Variants in RARA observed in about 807,000 individuals in gnomAD.
RARA encodes retinoic acid receptor alpha.
RARA carries 5 observed loss-of-function variants against 42.8 expected under a neutral mutation model. That is an observed-to-expected ratio of 0.12 (90% CI 0.06 to 0.25). The LOEUF (loss-of-function observed/expected upper bound fraction) is 0.25, where lower values mean the gene tolerates loss of function less well. Among genes scored for constraint, RARA ranks in the 10% least tolerant of loss-of-function variants. The pLI is 1.00. For missense variants in RARA, 402 were observed against 628.7 expected (o/e 0.64, Z 3.86); for synonymous variants, 256 against 259.5 (o/e 0.99, Z 0.13).
intron 1 of RARA, chr17:40,322,926 G>GA (rs1044925756): frequency 2.6e-5 from 4 of 151,774 alleles, no homozygotes; most frequent in Non-Finnish European, 4.4e-5. Flanking sequence ...CCAACACTAA[G>GA]AAAAAAAATG....
At chr17:40,331,498 A>G (rs905859302) in intron 2 of RARA, 102 bp downstream of exon 2, 3 of 1,336,286 alleles carry the variant, frequency 2.2e-6, no homozygotes, top group Admixed American at 2.8e-5. Flanking sequence ...AGTGGAAGGC[A>G]CGGTGAGCGA....
chr17:40,329,330 G>T (rs993640849), intron 1 of RARA, among the ~76,000 whole-genome samples: 1 of 150,324 alleles, frequency 6.7e-6, no homozygotes, highest in Non-Finnish European at 1.5e-5. Flanking sequence ...TTTTGGAGAC[G>T]GAGTCTTGCT....
intron 1 of RARA, among the ~76,000 whole-genome samples, chr17:40,321,752 C>T (rs2143202862): frequency 6.6e-6 from 1 of 152,342 alleles, no homozygotes; most frequent in South Asian, 2.1e-4. Flanking sequence ...CCAACCCCAG[C>T]CCTATAACTG....
At chr17:40,319,001 G>T (rs186491731) in intron 1 of RARA, among the ~76,000 whole-genome samples, 32 of 152,286 alleles carry the variant, frequency 2.1e-4, no homozygotes, top group African/African-American at 7.7e-4. Context: ...CAGTATGTGT[G>T]TAGGGGTGTT....
In RARA at chr17:40,351,489, A is replaced by G. The variant is rs1205980407; in HGVS notation, c.470-421A>G. ...CTTGCCCCAGGAGCTGCTCAGAGCC[A>G]GTCCCAAGGGACCCCCAGGGAGACT... On this transcript the variant is annotated intron_variant, in intron 4 of 8. Coordinates refer to ENST00000254066, the MANE Select transcript of RARA (RefSeq NM_000964.4). This position sits in a 1 kb window ranked among gnomAD's most constrained non-coding sequence, Gnocchi z 4.1. 4.2e-6 allele frequency: 2 copies of G among 474,120 alleles called. No homozygotes were observed. The highest frequency in any genetic ancestry group is 2.3e-5 in the Admixed American group (1 of 42,644). 29.4% of individuals were successfully genotyped at this position (474,120 alleles called of 1,614,324 possible). A position where few individuals can be genotyped will look rare whatever the true frequency, so the allele number is the denominator to read the frequency against.
At chr17:40,342,119 GC>G in intron 2 of RARA, 5 of 963,260 alleles carry the variant, frequency 5.2e-6, no homozygotes, top group Non-Finnish European at 3.8e-6. Flanking sequence ...AGGGGGTGGT[GC>G]CCGGAGGGGA....
Position 40,345,940 on chromosome 17 carries a change from G to A in RARA, c.179-2376G>A, listed in dbSNP as rs775871743. 2.6e-5 allele frequency among the ~76,000 whole-genome samples: 4 copies of A among 152,196 alleles called. No homozygotes were observed. Among genetic ancestry groups the A allele is most frequent in the Non-Finnish European group, 5.9e-5 (4 of 68,034 alleles). The stretch of plus-strand genomic sequence containing the variant: ...GGGGCATCGAGCTCTGGGTTCAAAG[G>A]GCAGAGCAGGGAAACCTCAGAGCTG... On this transcript the variant is annotated intron_variant, in intron 2 of 8. Transcript: ENST00000254066. This position sits in a 1 kb window ranked among gnomAD's most constrained non-coding sequence, Gnocchi z 4.8.
intron 1 of RARA, among the ~76,000 whole-genome samples, chr17:40,315,161 TATATATATATAC>T (rs1269167966): frequency 8.0e-6 from 1 of 125,192 alleles, no homozygotes; most frequent in African/African-American, 3.7e-5. Flanking sequence ...TATATATATA[TATATATATATAC>T]ACACACACAC....
Position 40,354,059 on chromosome 17 carries a change from C to A in RARA, c.808-243C>A. The stretch of plus-strand genomic sequence containing the variant: ...AATTTAAATTAATTAAAATTAAACT[C>A]AATTCAGTTCCTCAGTTGCATTAGC... On this transcript the variant is annotated intron_variant, in intron 6 of 8. Transcript: ENST00000254066. This position sits in a 1 kb window ranked among gnomAD's most constrained non-coding sequence, Gnocchi z 4.5. Among the ~76,000 whole-genome samples the A allele has an allele frequency of 6.6e-6, 1 of 152,176 alleles. No homozygotes were observed. Among genetic ancestry groups the A allele is most frequent in the Non-Finnish European group, 1.5e-5 (1 of 68,022 alleles).
Position 40,342,960 on chromosome 17 carries a change from G to A in RARA, c.179-5356G>A, listed in dbSNP as rs1394246159. 13 of 1,511,180 alleles carry A rather than the reference G, an allele frequency of 8.6e-6. No individual in the cohort carries two copies. The East Asian group carries it at 3.0e-4, about 35-fold the overall frequency. 93.6% of individuals were successfully genotyped at this position (1,511,180 alleles called of 1,614,324 possible). ...TCGGGGGTGAGAGTCCCGGGGTGTA[G>A]TGGAGGTCCTGTCTCTACCTTTCAC... is the stretch of plus-strand genomic sequence containing the variant. On this transcript the variant is annotated intron_variant, in intron 2 of 8. Coordinates refer to ENST00000254066, the MANE Select transcript of RARA (RefSeq NM_000964.4).
intron 3 of RARA, 89 bp downstream of exon 3, chr17:40,348,553 G>A (rs947309923): frequency 2.6e-4 from 381 of 1,456,502 alleles, no homozygotes; most frequent in Middle Eastern, 2.6e-3. Context: ...CAGTTGGGGG[G>A]TGTCCCTGAA....
At chr17:40,342,872 G>C in intron 2 of RARA, 2 of 1,608,744 alleles carry the variant, frequency 1.2e-6, no homozygotes, top group Non-Finnish European at 1.7e-6. Context: ...ACCACTGTAC[G>C]TACCGGCCTC....
chr17:40,334,728 G>C (rs1454372973), intron 2 of RARA, among the ~76,000 whole-genome samples: 1 of 152,176 alleles, frequency 6.6e-6, no homozygotes, highest in Non-Finnish European at 1.5e-5. Flanking sequence ...TCTTGCTGAT[G>C]AGGCTTCCTA....
At position 40,331,169 on chromosome 17, in the gene RARA, A is replaced by G. The variant is rs1209886212; in HGVS notation, c.-50A>G. On this transcript the variant is annotated 5_prime_UTR_variant, in exon 2 of 9. Coordinates refer to ENST00000254066, the MANE Select transcript of RARA (RefSeq NM_000964.4). Reference sequence around the variant, plus strand: ...GAGGAGGGGTGGTCTGAAGCCCACCAGAGCCCCCTGCCAGACTGTCTGCCT... The same window carrying G: ...GAGGAGGGGTGGTCTGAAGCCCACCGGAGCCCCCTGCCAGACTGTCTGCCT... 14 of 1,536,352 alleles carry G rather than the reference A, an allele frequency of 9.1e-6. No homozygotes were observed. The highest frequency in any genetic ancestry group is 1.2e-5 in the Non-Finnish European group (14 of 1,140,650).
intron 1 of RARA, among the ~76,000 whole-genome samples, chr17:40,312,105 G>C (rs2033106597): frequency 6.6e-6 from 1 of 152,236 alleles, no homozygotes; most frequent in African/African-American, 2.4e-5. Context: ...GGATGAAGGA[G>C]ACTGTCACAA....
At chr17:40,344,745 G>A (rs2034198338) in intron 2 of RARA, among the ~76,000 whole-genome samples, 1 of 152,228 alleles carries the variant, frequency 6.6e-6, no homozygotes, top group African/African-American at 2.4e-5. Context: ...ATATAAGTGA[G>A]TGAGGTGTCA....
At chr17:40,342,352 C>T (rs985833674) in intron 2 of RARA, 6 of 1,077,818 alleles carry the variant, frequency 5.6e-6, no homozygotes, top group African/African-American at 3.3e-5. Flanking sequence ...CCCCGGCCTG[C>T]GGACTTGGGG....
intron 1 of RARA, among the ~76,000 whole-genome samples, chr17:40,317,044 A>T (rs1294068711): frequency 6.6e-6 from 1 of 152,128 alleles, no homozygotes; most frequent in Non-Finnish European, 1.5e-5. Context: ...TCAATTCTAG[A>T]CCCGGCTCTG....
rs569326226 is a variant in RARA at position 40,318,776 on chromosome 17, G to T, written c.-363+9490G>T. 2.0e-5 allele frequency among the ~76,000 whole-genome samples: 3 copies of T among 152,388 alleles called. No individual in the cohort carries two copies. The East Asian group carries it at 5.8e-4, about 29-fold the overall frequency. On this transcript the variant is annotated intron_variant, in intron 1 of 8. Coordinates refer to ENST00000254066, the MANE Select transcript of RARA (RefSeq NM_000964.4). The stretch of plus-strand genomic sequence containing the variant: ...TCTTTAATGATAAGCAAAACAAAAA[G>T]ACTTGAATTCAAACCTGTTTGGGGA...
Sources: gnomAD v4.1 joint callset for allele counts (sites outside exome capture counted in the v4.1 genomes callset) on GRCh38, gnomAD v4.1.1 for gene constraint, Gnocchi (gnomAD v3.1) non-coding constraint, MANE v1.5 for transcripts, NCBI Gene and HGNC (gene_info 2026-07-23, HGNC 2026-07-21) for gene names.